IRGC: variants seen among roughly 807,000 people sequenced by gnomAD.
The protein encoded by IRGC is immunity related GTPase cinema, also known as interferon-inducible GTPase 5.
IRGC carries 4 observed loss-of-function variants against 16.1 expected under a neutral mutation model. The ratio of observed to expected loss-of-function variants is 0.25; its 90% confidence interval spans 0.12 to 0.57. The LOEUF (loss-of-function observed/expected upper bound fraction) is 0.57, where lower values mean the gene tolerates loss of function less well. IRGC is among the 20% of genes least tolerant of loss of function. IRGC has a pLI of 0.92. For synonymous variants in IRGC, 307 were observed against 299.5 expected (o/e 1.03, Z -0.26); for missense variants, 570 against 643.9 (o/e 0.89, Z 1.24).
rs1337109962 is a variant in IRGC, at chr19:43,718,809, C to T, written c.251C>T (p.Ala84Val). The change falls in exon 2 of 2, where the codon GCG becomes GTG. Residue 84 changes from alanine to valine, a missense_variant. By Grantham distance (64) the Ala-to-Val change is moderately conservative (BLOSUM62 0). Transcript: ENST00000244314. ...GGCCTGGAGGCCGAGGACCCTGGCG[C>T]GGCTCTCACGGGCGTCATGGAGACC... Reference protein sequence around the residue: ...LRGLEAEDPGAALTGVMETTM... With the variant: ...LRGLEAEDPGVALTGVMETTM... The T allele has an allele frequency of 1.2e-6, 2 of 1,612,758 alleles. No homozygotes were observed. The highest frequency in any genetic ancestry group is 1.6e-4 in the Middle Eastern group (1 of 6,084).
Position 43,719,783 on chromosome 19 carries a change from C to A in IRGC, c.1225C>A (p.Pro409Thr), listed in dbSNP as rs780991399. 1.2e-6 allele frequency: 2 copies of A among 1,613,740 alleles called. No homozygotes were observed. Among genetic ancestry groups the A allele is most frequent in the Admixed American group, 3.3e-5 (2 of 59,972 alleles). ...CATCAAGGCCCTGGAGGATGACGAG[C>A]CGCAGCCGGAGGTCAGCTTGGAAGT... Reference protein sequence around the residue: ...VRIKALEDDEPQPEVSLEVAS... With the variant: ...VRIKALEDDETQPEVSLEVAS... Residue 409 changes from proline (P) to threonine (T), a missense_variant, in exon 2 of 2, where the codon CCG becomes ACG. Transcript: ENST00000244314.
At position 43,718,901 on chromosome 19, in the gene IRGC, G is replaced by A; in HGVS notation, c.343G>A (p.Ala115Thr). 1.2e-6 allele frequency: 2 copies of A among 1,613,306 alleles called. No homozygotes were observed. The highest frequency in any genetic ancestry group is 3.3e-4 in the Middle Eastern group (2 of 6,062). Residue 115 changes from alanine (A) to threonine (T), a missense_variant, in exon 2 of 2, where the codon GCC becomes ACC. Physicochemically the swap from Ala to Thr is moderately conservative, Grantham distance 58. Transcript: ENST00000244314. ...PDVTLWDLPG[A>T]GSPGCPADKY... ...CGTGACCCTCTGGGACCTGCCAGGA[G>A]CCGGCTCTCCAGGCTGCCCGGCTGA...
rs766405490 is a variant in IRGC, at chr19:43,719,239, G to A, written c.681G>A (p.Thr227=). 12 of 1,609,766 alleles carry A rather than the reference G, an allele frequency of 7.5e-6. No homozygotes were observed. The highest frequency in any genetic ancestry group is 4.0e-5 in the African/African-American group (3 of 74,918). ...CGCCGGCCCGCTACGACTTTCCCAC[G>A]CTGGTGTCCACCTGGGAGCACGACC... ...NLSPARYDFP[T]LVSTWEHDLP... The change falls in exon 2 of 2, where the codon ACG becomes ACA. Residue 227 remains threonine, a synonymous_variant. Transcript: ENST00000244314.
rs200973043 is a variant in IRGC at position 43,719,779 on chromosome 19, C to T, written c.1221C>T (p.Asp407=). 4.1e-5 allele frequency: 66 copies of T among 1,613,168 alleles called. No homozygotes were observed. The highest frequency in any genetic ancestry group is 1.7e-4 in the Middle Eastern group (1 of 6,046). The change falls in exon 2 of 2, where the codon GAC becomes GAT. Residue 407 remains aspartate, a synonymous_variant. Coordinates refer to ENST00000244314, the MANE Select transcript of IRGC (RefSeq NM_019612.4). The part of the protein sequence containing the change: ...QRVRIKALED[D]EPQPEVSLEV... ...TCCGCATCAAGGCCCTGGAGGATGA[C>T]GAGCCGCAGCCGGAGGTCAGCTTGG...
rs1166795869 is a variant in IRGC at position 43,719,030 on chromosome 19, T to C, written c.472T>C (p.Cys158Arg). 6.2e-7 allele frequency: 1 copy of C among 1,612,854 alleles called. No homozygotes were observed. Among genetic ancestry groups the C allele is most frequent in the Admixed American group, 1.7e-5 (1 of 59,998 alleles). ...VETRLAAEILCQGKKFYFVRT... is the reference protein window; with the variant it reads ...VETRLAAEILRQGKKFYFVRT... ...GACCCGCCTGGCCGCTGAGATCCTGTGCCAGGGCAAGAAGTTCTACTTTGT... is the reference window on the plus strand; with the variant it reads ...GACCCGCCTGGCCGCTGAGATCCTGCGCCAGGGCAAGAAGTTCTACTTTGT... Residue 158 changes from cysteine (C) to arginine (R), a missense_variant, in exon 2 of 2, where the codon TGC (cysteine) becomes CGC (arginine). Cys to Arg is a radical substitution (Grantham distance 180). Coordinates refer to ENST00000244314, the MANE Select transcript of IRGC (RefSeq NM_019612.4).
rs765782123 is a variant in IRGC at position 43,719,907 on chromosome 19, A to G, written c.1349A>G (p.Tyr450Cys). The G allele has an allele frequency of 8.1e-6, 13 of 1,613,534 alleles. No homozygotes were observed. The highest frequency in any genetic ancestry group is 1.1e-5 in the Non-Finnish European group (13 of 1,180,014). Reference sequence around the variant, plus strand: ...AGGAAGCTCGGCCTCCTTCTTAAGTACATTCTGGACAGCTGGAAGAAACAC... The same window carrying G: ...AGGAAGCTCGGCCTCCTTCTTAAGTGCATTCTGGACAGCTGGAAGAAACAC... ...TCRKLGLLLK[Y>C]ILDSWKKHDS... The change falls in exon 2 of 2, where the codon TAC becomes TGC. Residue 450 changes from tyrosine to cysteine, a missense_variant. Coordinates refer to ENST00000244314, the MANE Select transcript of IRGC (RefSeq NM_019612.4).
rs749054115 is a variant in IRGC, at chr19:43,719,018, G to A, written c.460G>A (p.Ala154Thr). The A allele has an allele frequency of 8.1e-6, 13 of 1,612,466 alleles. No homozygotes were observed. The highest frequency in any genetic ancestry group is 1.6e-4 in the Middle Eastern group (1 of 6,082). The change falls in exon 2 of 2, where the codon GCT (alanine) becomes ACT (threonine). Residue 154 changes from alanine (A) to threonine (T), a missense_variant. Ala to Thr is a moderately conservative substitution (Grantham distance 58). Coordinates refer to ENST00000244314, the MANE Select transcript of IRGC (RefSeq NM_019612.4). ...CGGGGCCGTCGAGACCCGCCTGGCC[G>A]CTGAGATCCTGTGCCAGGGCAAGAA... Reference protein sequence around the residue: ...RCGAVETRLAAEILCQGKKFY... With the variant: ...RCGAVETRLATEILCQGKKFY...
At chr19:43,716,797 GAA>G (rs970365123) in intron 1 of IRGC, among the ~76,000 whole-genome samples, 7 of 152,162 alleles carry the variant, frequency 4.6e-5, no homozygotes, top group African/African-American at 1.7e-4. Context: ...CTAGGTGGGT[GAA>G]GGAGCCTGGG....
At chr19:43,716,988 G>A (rs1312157887) in intron 1 of IRGC, among the ~76,000 whole-genome samples, 1 of 152,178 alleles carries the variant, frequency 6.6e-6, no homozygotes, top group Non-Finnish European at 1.5e-5. Flanking sequence ...GCCAGAGGAG[G>A]GTGAGTGGGA....
rs190365517 is a variant in IRGC, at chr19:43,716,878, C to T, written c.-67+736C>T. Among the ~76,000 whole-genome samples, 906 of 152,234 alleles carry T rather than the reference C, an allele frequency of 6.0e-3. 3 individuals carry two copies. The highest frequency in any genetic ancestry group is 7.2e-3 in the Non-Finnish European group (492 of 68,000). On this transcript the variant is annotated intron_variant, in intron 1 of 1. Coordinates refer to ENST00000244314, the MANE Select transcript of IRGC (RefSeq NM_019612.4). ...TCATTTGTCTTGTCTGAGCCTCAGTCCTTCTCCCTGTCAAATGGGGACAGT... is the reference window on the plus strand; with the variant it reads ...TCATTTGTCTTGTCTGAGCCTCAGTTCTTCTCCCTGTCAAATGGGGACAGT...
At chr19:43,717,363 A>G (rs1968186541) in intron 1 of IRGC, among the ~76,000 whole-genome samples, 1 of 152,192 alleles carries the variant, frequency 6.6e-6, no homozygotes. Flanking sequence ...AATGACGATG[A>G]TGGTGATGCC....
chr19:43,719,398 G>A lies in IRGC; in HGVS notation c.840G>A (p.Leu280=). ...TALVLGVIQA[L]PVPGLAAAYD... ...TGGTGTTGGGCGTCATCCAGGCCCT[G>A]CCGGTCCCAGGGCTGGCGGCCGCCT... Residue 280 remains leucine, a synonymous_variant, in exon 2 of 2, where the codon CTG becomes CTA. Coordinates refer to ENST00000244314, the MANE Select transcript of IRGC (RefSeq NM_019612.4). 1 of 1,609,232 alleles carries A rather than the reference G, an allele frequency of 6.2e-7. No individual in the cohort carries two copies.
At chr19:43,716,589 C>G (rs368514339) in intron 1 of IRGC, among the ~76,000 whole-genome samples, 5 of 152,122 alleles carry the variant, frequency 3.3e-5, no homozygotes, top group African/African-American at 1.2e-4. Flanking sequence ...CCACCCACCT[C>G]GGCCTCCCAA....
In IRGC at chr19:43,718,518, C is replaced by T. The variant is rs949085616; in HGVS notation, c.-41C>T. 5.9e-6 allele frequency: 9 copies of T among 1,526,492 alleles called. No individual in the cohort carries two copies. The highest frequency in any genetic ancestry group is 7.9e-6 in the Non-Finnish European group (9 of 1,137,902). 94.6% of individuals were successfully genotyped at this position (1,526,492 alleles called of 1,614,324 possible). ...GCGCTGAGGATCACGCATCCTGTGA[C>T]TCTCCCCTGTCCCCCGCCACCCTCT... On this transcript the variant is annotated 5_prime_UTR_variant, in exon 2 of 2. Transcript: ENST00000244314.
chr19:43,718,741 C>A lies in IRGC; in HGVS notation c.183C>A (p.Gly61=), dbSNP rs753339142. 2 of 1,612,612 alleles carry A rather than the reference C, an allele frequency of 1.2e-6. No individual in the cohort carries two copies. Among genetic ancestry groups the A allele is most frequent in the African/African-American group, 2.7e-5 (2 of 74,940 alleles). The change falls in exon 2 of 2, where the codon GGC becomes GGA. Residue 61 remains glycine, a synonymous_variant. Transcript: ENST00000244314. The part of the protein sequence containing the change: ...ESIRLEVGVT[G]ESGAGKSSLI... ...TCCGCCTGGAGGTGGGCGTCACGGG[C>A]GAGTCGGGCGCGGGCAAGTCCTCCC...
rs762258697 is a variant in IRGC, at chr19:43,719,900, C to T, written c.1342C>T (p.Leu448Phe). Residue 448 changes from leucine to phenylalanine, a missense_variant, in exon 2 of 2, where the codon CTT becomes TTT. Transcript: ENST00000244314. ...AACCTGCAGGAAGCTCGGCCTCCTT[C>T]TTAAGTACATTCTGGACAGCTGGAA... The part of the protein sequence containing the change: ...LSTCRKLGLL[L>F]KYILDSWKKH... 1 of 1,613,480 alleles carries T rather than the reference C, an allele frequency of 6.2e-7. No homozygotes were observed. Among genetic ancestry groups the T allele is most frequent in the Admixed American group, 1.7e-5 (1 of 60,016 alleles).
At chr19:43,717,382 G>A (rs538029745) in intron 1 of IRGC, among the ~76,000 whole-genome samples, 4 of 152,254 alleles carry the variant, frequency 2.6e-5, no homozygotes, top group South Asian at 2.1e-4. Flanking sequence ...CCAATGACAC[G>A]AGGCACCTGC....
chr19:43,719,117 G>A lies in IRGC; in HGVS notation c.559G>A (p.Glu187Lys). 1 of 1,610,300 alleles carries A rather than the reference G, an allele frequency of 6.2e-7. No homozygotes were observed. The highest frequency in any genetic ancestry group is 8.5e-7 in the Non-Finnish European group (1 of 1,178,576). The change falls in exon 2 of 2, where the codon GAG becomes AAG. Residue 187 changes from glutamate to lysine, a missense_variant. Transcript: ENST00000244314. The stretch of plus-strand genomic sequence containing the variant: ...CACCCAGCGGCCGTCGGGCTTCAGA[G>A]AGGCCGCTGTCCTGCAGGAGATCCG... Reference protein sequence around the residue: ...TRTQRPSGFREAAVLQEIRDH... With the variant: ...TRTQRPSGFRKAAVLQEIRDH...
chr19:43,719,507 G>A lies in IRGC; in HGVS notation c.949G>A (p.Glu317Lys), dbSNP rs773546328. ...CGACGACTCGCTGGCCAAGCTGGCCGAGCAGGTGGGCAAACAGGCAGGTGA... is the reference window on the plus strand; with the variant it reads ...CGACGACTCGCTGGCCAAGCTGGCCAAGCAGGTGGGCAAACAGGCAGGTGA... ...LDDDSLAKLA[E>K]QVGKQAGDLR... Residue 317 changes from glutamate (E) to lysine (K), a missense_variant, in exon 2 of 2, where the codon GAG (glutamate) becomes AAG (lysine). Coordinates refer to ENST00000244314, the MANE Select transcript of IRGC (RefSeq NM_019612.4). 5 of 1,603,968 alleles carry A rather than the reference G, an allele frequency of 3.1e-6. No individual in the cohort carries two copies. Among genetic ancestry groups the A allele is most frequent in the East Asian group, 2.2e-5 (1 of 44,854 alleles).
Sources: allele counts gnomAD v4.1 joint callset (sites outside exome capture counted in the v4.1 genomes callset), GRCh38; gene constraint gnomAD v4.1.1; transcripts MANE v1.5; gene names NCBI Gene and HGNC (gene_info 2026-07-23, HGNC 2026-07-21).